UHRF2: variants seen among roughly 807,000 people sequenced by gnomAD.
UHRF2 encodes the protein E3 ubiquitin-protein ligase UHRF2.
In UHRF2, 23 loss-of-function variants were observed where a neutral mutation model predicts 96.8. The observed-to-expected ratio is 0.24, with a 90% confidence interval of 0.17 to 0.34. UHRF2 has a LOEUF of 0.34. Ranked by LOEUF, UHRF2 falls within the 10% of genes least tolerant of loss-of-function variation. The pLI is 1.00. For synonymous variants in UHRF2, 385 were observed against 332.6 expected, an observed-to-expected ratio of 1.16 and a Z score of -1.72; for missense variants, 685 against 981.5, an observed-to-expected ratio of 0.70 and a Z score of 4.04.
At chr9:6,489,164 A>G (rs1048546454) in intron 9 of UHRF2, among the ~76,000 whole-genome samples, 5 of 152,230 alleles carry the variant, frequency 3.3e-5, no homozygotes, top group African/African-American at 9.6e-5. Context: ...GGAAGTATGT[A>G]GCATATTATA....
At chr9:6,443,593 T>G (rs1424203745) in intron 3 of UHRF2, among the ~76,000 whole-genome samples, 2 of 152,204 alleles carry the variant, frequency 1.3e-5, no homozygotes, top group Non-Finnish European at 2.9e-5. Context: ...TCAGAATGCT[T>G]TCACAGAACA....
intron 2 of UHRF2, among the ~76,000 whole-genome samples, chr9:6,429,878 A>T (rs1460318844): frequency 1.3e-5 from 2 of 152,208 alleles, no homozygotes; most frequent in African/African-American, 4.8e-5. Context: ...CTGCAAAACA[A>T]ATGGTACCTA....
Position 6,500,592 on chromosome 9 carries a change from T to A in UHRF2, c.2046T>A (p.Asp682Glu). ...PSASKVYKAS[D>E]SAEAIEAFQL... ...CCTCCAAAGTGTACAAAGCATCAGA[T>A]TCAGCAGAAGCAATTGAGGCTTTTC... Residue 682 changes from aspartate to glutamate, a missense_variant, in exon 14 of 16, where the codon GAT becomes GAA. Coordinates refer to ENST00000276893, the MANE Select transcript of UHRF2 (RefSeq NM_152896.3). 6.2e-7 allele frequency: 1 copy of A among 1,613,438 alleles called. No homozygotes were observed. The highest frequency in any genetic ancestry group is 8.5e-7 in the Non-Finnish European group (1 of 1,179,952).
chr9:6,475,953 G>A (rs1176398743), intron 5 of UHRF2, among the ~76,000 whole-genome samples: 3 of 151,944 alleles, frequency 2.0e-5, no homozygotes, highest in Admixed American at 6.6e-5. Context: ...GTCCCCCATC[G>A]TGCTTCTGAA....
At chr9:6,445,102 A>G (rs1018019614) in intron 3 of UHRF2, among the ~76,000 whole-genome samples, 10 of 146,272 alleles carry the variant, frequency 6.8e-5, no homozygotes, top group African/African-American at 2.5e-4. Flanking sequence ...GCCAGCTTGG[A>G]CTACATAGCA....
At chr9:6,424,327 G>T (rs1206482074) in intron 2 of UHRF2, among the ~76,000 whole-genome samples, 1 of 152,172 alleles carries the variant, frequency 6.6e-6, no homozygotes, top group African/African-American at 2.4e-5. Flanking sequence ...TAGAATCTGG[G>T]AATAAGTTAA....
At position 6,427,082 on chromosome 9, in the gene UHRF2, T is replaced by C. The variant is rs567910535; in HGVS notation, c.384+5940T>C. 1.1e-3 allele frequency among the ~76,000 whole-genome samples: 175 copies of C among 152,326 alleles called. 1 individual carries two copies. Among genetic ancestry groups the C allele is most frequent in the African/African-American group, 4.1e-3 (169 of 41,580 alleles). On this transcript the variant is annotated intron_variant, in intron 2 of 15. Coordinates refer to ENST00000276893, the MANE Select transcript of UHRF2 (RefSeq NM_152896.3). ...TTGTTTTATATTTGCATTGGGTTTT[T>C]TGTATTTCCCATAGTGCAAGTCTGA...
intron 3 of UHRF2, among the ~76,000 whole-genome samples, chr9:6,434,803 G>C (rs1056007763): frequency 6.6e-6 from 1 of 151,946 alleles, no homozygotes; most frequent in Admixed American, 6.6e-5. Context: ...AATATGTAGT[G>C]TAATAGCATT....
chr9:6,492,790 A>G (rs1242620498), intron 9 of UHRF2: 2 of 147,794 alleles, frequency 1.4e-5, no homozygotes, highest in Admixed American at 6.7e-5. Context: ...TAATATCCAT[A>G]TAAATTTGTA....
intron 3 of UHRF2, among the ~76,000 whole-genome samples, chr9:6,446,001 C>CTT (rs1821476244): frequency 8.5e-5 from 2 of 23,588 alleles, no homozygotes; most frequent in East Asian, 1.5e-3. Context: ...TTTTTTTTTT[C>CTT]CTGTTTTTGA....
chr9:6,445,643 G>T (rs2130801973), intron 3 of UHRF2, among the ~76,000 whole-genome samples: 1 of 152,052 alleles, frequency 6.6e-6, no homozygotes, highest in East Asian at 1.9e-4. Context: ...CTGCAACCTT[G>T]ACCTCCTGGG....
At position 6,413,319 on chromosome 9, in the gene UHRF2, G is replaced by T. The variant is rs1249323990; in HGVS notation, c.-172G>T. 2 of 487,154 alleles carry T rather than the reference G, an allele frequency of 4.1e-6. No homozygotes were observed. The highest frequency in any genetic ancestry group is 5.8e-6 in the Non-Finnish European group (2 of 346,250). The allele number at this position is 487,154 out of a possible 1,614,324, so 30.2% of individuals were successfully genotyped here. A position where few individuals can be genotyped will look rare whatever the true frequency, so the allele number is the denominator to read the frequency against. Reference sequence around the variant, plus strand: ...TCAAGTCGGCTAGTCGGGCGCGCGCGCTGAGAGTCGTCGCCGCCTGTCGGG... The same window carrying T: ...TCAAGTCGGCTAGTCGGGCGCGCGCTCTGAGAGTCGTCGCCGCCTGTCGGG... On this transcript the variant is annotated 5_prime_UTR_variant, in exon 1 of 16. Transcript: ENST00000276893.
chr9:6,422,456 A>C (rs547177436), intron 2 of UHRF2, among the ~76,000 whole-genome samples: 3 of 152,104 alleles, frequency 2.0e-5, no homozygotes, highest in African/African-American at 7.2e-5. Flanking sequence ...TAATATTTGC[A>C]TACAAAAAAC....
chr9:6,481,637 T>A lies in UHRF2; in HGVS notation c.1161-6T>A. The stretch of plus-strand genomic sequence containing the variant: ...AAATGCCTTCGTTCTTTTTTTTCTT[T>A]TAAAGGTATTGTCCTTCTTGTAAAA... On this transcript the variant is annotated splice_region_variant and splice_polypyrimidine_tract_variant and intron_variant, in intron 6 of 15. Transcript: ENST00000276893. 2 of 1,608,442 alleles carry A rather than the reference T, an allele frequency of 1.2e-6. No homozygotes were observed. The highest frequency in any genetic ancestry group is 1.7e-6 in the Non-Finnish European group (2 of 1,178,434).
chr9:6,499,439 A>G (rs929286527), intron 12 of UHRF2: 1 of 152,012 alleles, frequency 6.6e-6, no homozygotes, highest in African/African-American at 2.4e-5. Flanking sequence ...TTTTAGATCA[A>G]CTCCACAATT....
At position 6,493,823 on chromosome 9, in the gene UHRF2, C is replaced by T. The variant is rs377635010; in HGVS notation, c.1498-3C>T. The T allele has an allele frequency of 1.2e-6, 2 of 1,606,260 alleles. No homozygotes were observed. Among genetic ancestry groups the T allele is most frequent in the South Asian group, 1.1e-5 (1 of 88,732 alleles). ...TCTTAATAAAGAAAATCTTCTCTGA[C>T]AGGACCGAGGTGATGAGTTCACATA... On this transcript the variant is annotated splice_polypyrimidine_tract_variant and splice_region_variant and intron_variant, in intron 9 of 15. Coordinates refer to ENST00000276893, the MANE Select transcript of UHRF2 (RefSeq NM_152896.3).
intron 2 of UHRF2, 142 bp downstream of exon 2, chr9:6,421,284 T>A: frequency 2.9e-6 from 2 of 678,418 alleles, no homozygotes; most frequent in Non-Finnish European, 5.0e-6. Context: ...AAAAGTAGTC[T>A]TTTAAAAATT....
At chr9:6,445,799 A>G (rs1324022384) in intron 3 of UHRF2, among the ~76,000 whole-genome samples, 2 of 152,062 alleles carry the variant, frequency 1.3e-5, no homozygotes, top group African/African-American at 4.8e-5. Flanking sequence ...CCTGGGCTCA[A>G]GCAGTCCTTC....
rs2130962752 is a variant in UHRF2, at chr9:6,498,150, C to T, written c.1900C>T (p.Arg634Cys). ...AGAACGGTCAAGGAGATTATGTCTA[C>T]GTTTACAGGTTAGATTACATTTGTC... ...GIERSRRLCL[R>C]LQYPAGYPSD... Residue 634 changes from arginine (R) to cysteine (C), a missense_variant, in exon 12 of 16, where the codon CGT (arginine) becomes TGT (cysteine). By Grantham distance (180) the Arg-to-Cys change is radical (BLOSUM62 -3). This residue lies in a region of UHRF2 where 73 missense variants were observed against 283.7 expected (regional missense o/e 0.26). Transcript: ENST00000276893. 4 of 1,613,216 alleles carry T rather than the reference C, an allele frequency of 2.5e-6. No homozygotes were observed. The highest frequency in any genetic ancestry group is 1.7e-6 in the Non-Finnish European group (2 of 1,179,752).
Sources: gnomAD v4.1 joint callset for allele counts (sites outside exome capture counted in the v4.1 genomes callset) on GRCh38, gnomAD v4.1.1 for gene constraint, gnomAD v4.1.1 regional missense constraint, MANE v1.5 for transcripts, NCBI Gene and HGNC (gene_info 2026-07-23, HGNC 2026-07-21) for gene names.